SHLD1: variants seen among roughly 807,000 people sequenced by gnomAD.
SHLD1 encodes shieldin complex subunit 1, also known as RINN1-REV7-interacting novel NHEJ regulator 3.
In SHLD1, 3 loss-of-function variants were observed where a neutral mutation model predicts 5.5. The observed-to-expected ratio is 0.54, with a 90% CI of 0.25 to 1.40. The LOEUF (loss-of-function observed/expected upper bound fraction) is 1.40. Among genes scored for constraint, SHLD1 ranks in the 40% most tolerant of loss-of-function variants. SHLD1 has a pLI of 0.15. For missense variants in SHLD1, 210 were observed against 244.4 expected, an observed-to-expected ratio of 0.86 and a Z score of 0.94; for synonymous variants, 92 against 94.3, an observed-to-expected ratio of 0.98 and a Z score of 0.14.
chr20:5,779,819 A>G lies in SHLD1; in HGVS notation c.178+6776A>G, dbSNP rs186072009. Reference sequence around the variant, plus strand: ...TGCTTGGCTCAAAATAGAGTTGACTATCTCAAGAACTGGCAGAGTATGGCA... The same window carrying G: ...TGCTTGGCTCAAAATAGAGTTGACTGTCTCAAGAACTGGCAGAGTATGGCA... On this transcript the variant is annotated intron_variant, in intron 2 of 2. Transcript: ENST00000303142. 5.8e-4 allele frequency among the ~76,000 whole-genome samples: 88 copies of G among 152,220 alleles called. 1 individual carries two copies. The highest frequency in any genetic ancestry group is 2.0e-3 in the African/African-American group (82 of 41,532).
At chr20:5,838,391 C>T (rs2087814665) in intron 2 of SHLD1, among the ~76,000 whole-genome samples, 1 of 152,148 alleles carries the variant, frequency 6.6e-6, no homozygotes, top group Admixed American at 6.5e-5. Context: ...CATTGTAAGA[C>T]TTTTAGTCTC....
chr20:5,768,904 G>GTTT (rs11475696), intron 1 of SHLD1, among the ~76,000 whole-genome samples: 2 of 117,068 alleles, frequency 1.7e-5, no homozygotes, highest in African/African-American at 3.4e-5. Flanking sequence ...TCATGTAATT[G>GTTT]TTTTTTTTTT....
intron 2 of SHLD1, among the ~76,000 whole-genome samples, chr20:5,860,204 C>A (rs2088143073): frequency 6.6e-6 from 1 of 152,278 alleles, no homozygotes; most frequent in East Asian, 1.9e-4. Context: ...CATTCCCTCT[C>A]CTTCTCCCTT....
intron 1 of SHLD1, among the ~76,000 whole-genome samples, chr20:5,754,900 A>T (rs1449288232): frequency 6.6e-6 from 1 of 152,090 alleles, no homozygotes; most frequent in Non-Finnish European, 1.5e-5. Context: ...TACTAAAAAT[A>T]CAAAAATTAC....
chr20:5,829,730 G>T (rs1226604600), intron 2 of SHLD1, among the ~76,000 whole-genome samples: 1 of 152,114 alleles, frequency 6.6e-6, no homozygotes, highest in African/African-American at 2.4e-5. Flanking sequence ...ACCAGTGAGT[G>T]GTTGGGTTTG....
chr20:5,854,282 A>G (rs888261139), intron 2 of SHLD1, among the ~76,000 whole-genome samples: 2 of 152,188 alleles, frequency 1.3e-5, no homozygotes, highest in African/African-American at 2.4e-5. Flanking sequence ...CTAGGATTAC[A>G]GGCGTGAGCC....
intron 2 of SHLD1, among the ~76,000 whole-genome samples, chr20:5,773,762 C>A (rs1481922574): frequency 6.6e-6 from 1 of 152,114 alleles, no homozygotes; most frequent in Non-Finnish European, 1.5e-5. Flanking sequence ...TTCCTTAACC[C>A]CTCTGAGCTC....
chr20:5,755,553 C>G (rs630125), intron 1 of SHLD1, among the ~76,000 whole-genome samples: 82,768 of 151,710 alleles, frequency 0.55, 23,405 homozygotes, highest in African/African-American at 0.65. Context: ...AGAACATTTT[C>G]TTTTTCTTTT....
chr20:5,836,094 T>G (rs948434377), intron 2 of SHLD1, among the ~76,000 whole-genome samples: 4 of 150,472 alleles, frequency 2.7e-5, no homozygotes, highest in Admixed American at 6.6e-5. Flanking sequence ...GACAACTGGT[T>G]GTTTTTTTTT....
chr20:5,820,380 C>T (rs927315473), intron 2 of SHLD1, among the ~76,000 whole-genome samples: 6 of 152,190 alleles, frequency 3.9e-5, no homozygotes, highest in East Asian at 1.9e-4. Flanking sequence ...TCTTCAGAGA[C>T]GGAAAGCAAA....
At chr20:5,789,838 C>G (rs900932472) in intron 2 of SHLD1, among the ~76,000 whole-genome samples, 3 of 152,074 alleles carry the variant, frequency 2.0e-5, no homozygotes, top group African/African-American at 7.2e-5. Context: ...GTGACCCAGA[C>G]CCAGTGCATC....
chr20:5,841,168 CGAGT>C (rs1169133025), intron 2 of SHLD1, among the ~76,000 whole-genome samples: 1 of 120,622 alleles, frequency 8.3e-6, no homozygotes, highest in Non-Finnish European at 1.6e-5. Flanking sequence ...CTGAAAATAG[CGAGT>C]GTGTGTGTGT....
intron 2 of SHLD1, among the ~76,000 whole-genome samples, chr20:5,796,431 G>T (rs909846508): frequency 2.2e-4 from 34 of 152,130 alleles, no homozygotes; most frequent in Admixed American, 1.1e-3. Context: ...TGTGGTCTAT[G>T]TGAAAGGCAC....
intron 2 of SHLD1, among the ~76,000 whole-genome samples, chr20:5,834,735 T>C (rs2087769894): frequency 6.6e-6 from 1 of 152,194 alleles, no homozygotes; most frequent in East Asian, 1.9e-4. Flanking sequence ...ATACTGTAGA[T>C]TATGTGGCTT....
intron 1 of SHLD1, among the ~76,000 whole-genome samples, chr20:5,762,701 G>A (rs1216274216): frequency 1.4e-5 from 2 of 147,826 alleles, no homozygotes; most frequent in Non-Finnish European, 1.5e-5. Flanking sequence ...CAGGCCAGGC[G>A]TGGTGGCTCA....
chr20:5,856,417 C>G (rs961220108), intron 2 of SHLD1, among the ~76,000 whole-genome samples: 2 of 152,206 alleles, frequency 1.3e-5, no homozygotes, highest in Non-Finnish European at 2.9e-5. Context: ...CCCAATGATT[C>G]TGTTCCCTCC....
intron 2 of SHLD1, among the ~76,000 whole-genome samples, chr20:5,813,952 T>TC (rs1238465114): frequency 1.5e-5 from 2 of 133,250 alleles, no homozygotes; most frequent in Admixed American, 7.4e-5. Flanking sequence ...TTTCTTTTTT[T>TC]TTTTTTTTTT....
At chr20:5,775,972 G>A (rs376553874) in intron 2 of SHLD1, among the ~76,000 whole-genome samples, 2 of 128,166 alleles carry the variant, frequency 1.6e-5, no homozygotes, top group South Asian at 2.4e-4. Context: ...CTGTCACCCA[G>A]GCTAGAGCAC....
intron 2 of SHLD1, among the ~76,000 whole-genome samples, chr20:5,827,364 A>G (rs1362463771): frequency 1.3e-5 from 2 of 152,208 alleles, no homozygotes; most frequent in Non-Finnish European, 2.9e-5. Context: ...GGGCAAGGGC[A>G]GCCATCAGCC....
Sources: allele counts gnomAD v4.1 joint callset (sites outside exome capture counted in the v4.1 genomes callset), GRCh38; gene constraint gnomAD v4.1.1; transcripts MANE v1.5; gene names NCBI Gene and HGNC (gene_info 2026-07-23, HGNC 2026-07-21).